FTCDNL1: variants seen among roughly 807,000 people sequenced by gnomAD.
The protein encoded by FTCDNL1 is formiminotransferase N-terminal subdomain-containing protein.
A neutral mutation model predicts 5.9 loss-of-function variants in FTCDNL1; 11 were observed. That is an observed-to-expected ratio of 1.87 (90% confidence interval 1.18 to 3.10). The LOEUF is 3.10. FTCDNL1 is among the 30% of genes most tolerant of loss of function. The probability of loss-of-function intolerance (pLI) is 0.00; values close to 1 mark genes in which losing one functional copy is unlikely to be tolerated. For missense variants in FTCDNL1, 115 were observed against 65.5 expected, an observed-to-expected ratio of 1.76 and a Z score of -2.61; for synonymous variants, 58 against 24.8, an observed-to-expected ratio of 2.34 and a Z score of -3.99.
chr2:199,676,467 G>T, the FTCDNL1 span, among the ~76,000 whole-genome samples: 14 of 151,536 alleles, frequency 9.2e-5, no homozygotes, highest in Admixed American at 2.0e-4. Flanking sequence ...AAACATAATG[G>T]TCTCCAACTT....
chr2:199,721,215 CCCA>C, the FTCDNL1 span, among the ~76,000 whole-genome samples: 1 of 152,120 alleles, frequency 6.6e-6, no homozygotes, highest in East Asian at 1.9e-4. Flanking sequence ...CACCTATCAA[CCCA>C]TTACCTAAAT....
chr2:199,771,867 G>C (rs1311348815), intron 3 of FTCDNL1, among the ~76,000 whole-genome samples: 1 of 152,184 alleles, frequency 6.6e-6, no homozygotes, highest in African/African-American at 2.4e-5. Context: ...CAAGACTCCA[G>C]TGGATGCCTG....
chr2:199,805,932 A>G (rs191618157), downstream of FTCDNL1, among the ~76,000 whole-genome samples: 1,466 of 151,964 alleles, frequency 9.6e-3, 12 homozygotes, highest in Non-Finnish European at 0.017. Context: ...AAAAAAAAAA[A>G]GTATATGGAA....
chr2:199,850,853 C>G lies in FTCDNL1; in HGVS notation c.-121G>C, dbSNP rs1022198512. 7.9e-5 allele frequency: 12 copies of G among 152,246 alleles called. No individual in the cohort carries two copies. Among genetic ancestry groups the G allele is most frequent in the African/African-American group, 2.9e-4 (12 of 41,448 alleles). 9.4% of individuals were successfully genotyped at this position (152,246 alleles called of 1,614,324 possible). ...GCTGCTGGGATTCCCTGCGCGGTGC[C>G]GACTAGGTTCCTGGGTGGAGTGTCC... On this transcript the variant is annotated 5_prime_UTR_variant, in exon 1 of 5. Coordinates refer to ENST00000420128, the MANE Select transcript of FTCDNL1 (RefSeq NM_001363886.2).
rs920062534 is a variant in FTCDNL1 at position 199,851,123 on chromosome 2, C to G, written c.-391G>C. The G allele has an allele frequency of 7.2e-6, 1 of 137,970 alleles. No homozygotes were observed. Among genetic ancestry groups the G allele is most frequent in the African/African-American group, 3.0e-5 (1 of 32,900 alleles). 8.5% of individuals were successfully genotyped at this position (137,970 alleles called of 1,614,324 possible). On this transcript the variant is annotated 5_prime_UTR_variant, in exon 1 of 5. Transcript: ENST00000420128. ...AGGGCGACCGCCCAGCCCAAGTCGCCGCCGCGCGTGGCCCGCGCGCAGCCT... is the reference window on the plus strand; with the variant it reads ...AGGGCGACCGCCCAGCCCAAGTCGCGGCCGCGCGTGGCCCGCGCGCAGCCT...
the FTCDNL1 span, among the ~76,000 whole-genome samples, chr2:199,669,427 C>A: frequency 1.3e-5 from 2 of 152,126 alleles, no homozygotes; most frequent in African/African-American, 4.8e-5. Context: ...TCTTCTAGGA[C>A]CCTCCCGCCT....
At chr2:199,769,119 GC>G (rs1471313710) in intron 3 of FTCDNL1, among the ~76,000 whole-genome samples, 1 of 152,110 alleles carries the variant, frequency 6.6e-6, no homozygotes, top group Non-Finnish European at 1.5e-5. Flanking sequence ...ATCTCTGTGA[GC>G]ATTCACATCT....
chr2:199,789,402 A>G (rs955385650), intron 3 of FTCDNL1, among the ~76,000 whole-genome samples: 1 of 152,164 alleles, frequency 6.6e-6, no homozygotes. Context: ...AAATGCCAAG[A>G]TGTTATTTGA....
the FTCDNL1 span, among the ~76,000 whole-genome samples, chr2:199,737,865 C>T: frequency 1.3e-5 from 2 of 152,190 alleles, no homozygotes; most frequent in Non-Finnish European, 2.9e-5. Context: ...TAGAGTAATG[C>T]AAATTCCACA....
intron 3 of FTCDNL1, among the ~76,000 whole-genome samples, chr2:199,783,187 C>A (rs907911279): frequency 6.6e-6 from 1 of 152,192 alleles, no homozygotes; most frequent in Non-Finnish European, 1.5e-5. Context: ...AGCTTTACTG[C>A]AAGGCCATGG....
chr2:199,676,872 G>A, the FTCDNL1 span, among the ~76,000 whole-genome samples: 6 of 152,104 alleles, frequency 3.9e-5, no homozygotes, highest in African/African-American at 1.4e-4. Context: ...CACATTTTGG[G>A]TCCGACAAAC....
chr2:199,757,583 A>G (rs1698115623), downstream of FTCDNL1, among the ~76,000 whole-genome samples: 1 of 152,196 alleles, frequency 6.6e-6, no homozygotes, highest in African/African-American at 2.4e-5. Flanking sequence ...AAACACAAAT[A>G]ACACTCATTG....
the FTCDNL1 span, among the ~76,000 whole-genome samples, chr2:199,755,121 A>G: frequency 6.6e-6 from 1 of 152,216 alleles, no homozygotes; most frequent in Admixed American, 6.5e-5. Context: ...AAGAGGAGAA[A>G]TGATTGCAAC....
chr2:199,750,866 A>G, the FTCDNL1 span, among the ~76,000 whole-genome samples: 2 of 152,246 alleles, frequency 1.3e-5, no homozygotes, highest in African/African-American at 4.8e-5. Flanking sequence ...TTGCCATGCC[A>G]TCCTTTGCTT....
chr2:199,714,843 GA>G, the FTCDNL1 span, among the ~76,000 whole-genome samples: 4,656 of 149,954 alleles, frequency 0.031, 235 homozygotes, highest in African/African-American at 0.11. Flanking sequence ...CTACCGCAAG[GA>G]AAAAAACCAA....
At chr2:199,800,995 A>G (rs896745122) in intron 3 of FTCDNL1, among the ~76,000 whole-genome samples, 3 of 152,222 alleles carry the variant, frequency 2.0e-5, no homozygotes, top group Non-Finnish European at 4.4e-5. Context: ...TTGTGCTGCC[A>G]ATAACTAGAA....
At chr2:199,801,782 C>CA (rs1185021344) in intron 3 of FTCDNL1, among the ~76,000 whole-genome samples, 4 of 151,520 alleles carry the variant, frequency 2.6e-5, no homozygotes, top group Non-Finnish European at 5.9e-5. Flanking sequence ...ATTAAAAATA[C>CA]AAAAAATTAG....
At chr2:199,849,049 T>G (rs1016245982) in intron 1 of FTCDNL1, 80 bp from the exon 2 acceptor site, 2 of 651,016 alleles carry the variant, frequency 3.1e-6, no homozygotes, top group Non-Finnish European at 5.5e-6. Flanking sequence ...AATCATAACT[T>G]TTTGGAAACG....
At chr2:199,829,475 T>C (rs1033486026) in intron 3 of FTCDNL1, among the ~76,000 whole-genome samples, 2 of 152,176 alleles carry the variant, frequency 1.3e-5, no homozygotes, top group African/African-American at 4.8e-5. Flanking sequence ...TCGATGCAAT[T>C]AGATGTTTCT....
Sources: allele counts gnomAD v4.1 joint callset (sites outside exome capture counted in the v4.1 genomes callset), GRCh38; gene constraint gnomAD v4.1.1; transcripts MANE v1.5; gene names NCBI Gene and HGNC (gene_info 2026-07-23, HGNC 2026-07-21).